KMT2E: variants seen among roughly 807,000 people sequenced by gnomAD.
The protein encoded by KMT2E is histone reader KMT2E.
Under a neutral mutation model 184.6 loss-of-function variants are expected in KMT2E, and 30 were observed. The ratio of observed to expected loss-of-function variants is 0.16; its 90% CI spans 0.12 to 0.22. The LOEUF is 0.22. Among genes scored for constraint, KMT2E ranks in the 10% least tolerant of loss-of-function variants. KMT2E has a pLI of 1.00. For missense variants in KMT2E, 2,023 were observed against 2,237.4 expected (o/e 0.90, Z 1.93); for synonymous variants, 815 against 776.5 (o/e 1.05, Z -0.82).
chr7:105,018,068 C>T (rs1254921054), intron 1 of KMT2E, among the ~76,000 whole-genome samples: 1 of 152,084 alleles, frequency 6.6e-6, no homozygotes, highest in Non-Finnish European at 1.5e-5. Context: ...TCTTAGTGGT[C>T]TTAGGGAAAT....
chr7:105,021,171 C>T (rs1490982419), intron 1 of KMT2E, among the ~76,000 whole-genome samples: 2 of 152,172 alleles, frequency 1.3e-5, no homozygotes, highest in African/African-American at 4.8e-5. Context: ...GGTCCAGTAG[C>T]CATAAATAGG....
chr7:105,092,433 C>T (rs1798244936), intron 15 of KMT2E, among the ~76,000 whole-genome samples: 1 of 152,124 alleles, frequency 6.6e-6, no homozygotes, highest in African/African-American at 2.4e-5. Flanking sequence ...TGTTGACCTA[C>T]TTAATATGTG....
At chr7:105,064,202 G>C in intron 5 of KMT2E, 1 of 298,466 alleles carries the variant, frequency 3.4e-6, no homozygotes, top group South Asian at 2.6e-5. Context: ...TGACTGGGGG[G>C]AAGGATTTGG....
intron 15 of KMT2E, among the ~76,000 whole-genome samples, chr7:105,100,138 C>T (rs1468990683): frequency 2.0e-5 from 3 of 152,184 alleles, no homozygotes; most frequent in South Asian, 2.1e-4. Context: ...AAGAACCTTA[C>T]CTCTTTGGAC....
intron 23 of KMT2E, among the ~76,000 whole-genome samples, chr7:105,109,934 C>T (rs563812009): frequency 6.6e-6 from 1 of 150,840 alleles, no homozygotes; most frequent in Non-Finnish European, 1.5e-5. Context: ...AGCTCCACTT[C>T]CCAAGTTCAA....
chr7:105,048,675 G>A lies in KMT2E; in HGVS notation c.71+7652G>A, dbSNP rs571629170. Among the ~76,000 whole-genome samples, 148 of 152,202 alleles carry A rather than the reference G, an allele frequency of 9.7e-4. 1 individual carries two copies. Among genetic ancestry groups the A allele is most frequent in the African/African-American group, 3.6e-3 (148 of 41,508 alleles). Reference sequence around the variant, plus strand: ...GGATCAGCAGAACTTTCCTGTAAAGGGCTAAAGAATAAATATTTAAGACTT... The same window carrying A: ...GGATCAGCAGAACTTTCCTGTAAAGAGCTAAAGAATAAATATTTAAGACTT... On this transcript the variant is annotated intron_variant, in intron 3 of 26. Coordinates refer to ENST00000311117, the MANE Select transcript of KMT2E (RefSeq NM_182931.3).
At chr7:105,021,422 G>A (rs1036908764) in intron 1 of KMT2E, among the ~76,000 whole-genome samples, 3 of 152,178 alleles carry the variant, frequency 2.0e-5, no homozygotes, top group African/African-American at 4.8e-5. Flanking sequence ...GAGAGAACCC[G>A]TAGTTTATTT....
chr7:105,104,397 T>C (rs1798800929), intron 17 of KMT2E: 1 of 152,172 alleles, frequency 6.6e-6, no homozygotes, highest in Non-Finnish European at 1.5e-5. Context: ...TAAATATATA[T>C]GTATCGTGAG....
intron 1 of KMT2E, among the ~76,000 whole-genome samples, chr7:105,017,372 T>C (rs1794757553): frequency 6.6e-6 from 1 of 152,078 alleles, no homozygotes; most frequent in South Asian, 2.1e-4. Flanking sequence ...ATTGGCTTGC[T>C]TTATTGCTTT....
At position 105,113,105 on chromosome 7, in the gene KMT2E, G is replaced by A. The variant is rs370681615; in HGVS notation, c.5349G>A (p.Gly1783=). Residue 1783 remains glycine (G), a synonymous_variant, in exon 27 of 27, where the codon GGG becomes GGA. Coordinates refer to ENST00000311117, the MANE Select transcript of KMT2E (RefSeq NM_182931.3). ...CCCAGCACCAGCCTTCTGGAACAGG[G>A]CCACATTGTCCATTACCTGTCACAG... ...PGPQHQPSGT[G]PHCPLPVTGP... 2.6e-5 allele frequency: 42 copies of A among 1,613,982 alleles called. No individual in the cohort carries two copies. Among genetic ancestry groups the A allele is most frequent in the African/African-American group, 4.0e-5 (3 of 74,888 alleles).
chr7:105,027,798 T>C (rs964915911), intron 1 of KMT2E, among the ~76,000 whole-genome samples: 2 of 152,096 alleles, frequency 1.3e-5, no homozygotes, highest in Non-Finnish European at 2.9e-5. Context: ...TTGAAAGTAT[T>C]TACATATATA....
At chr7:105,085,304 A>G (rs192686832) in intron 13 of KMT2E, among the ~76,000 whole-genome samples, 1 of 152,290 alleles carries the variant, frequency 6.6e-6, no homozygotes, top group Non-Finnish European at 1.5e-5. Context: ...ATCCAGGCAC[A>G]CTGGGAGGCT....
At chr7:105,066,973 C>T (rs1206918313) in intron 6 of KMT2E, among the ~76,000 whole-genome samples, 166 bp downstream of exon 6, 1 of 147,638 alleles carries the variant, frequency 6.8e-6, no homozygotes, top group South Asian at 2.1e-4. Context: ...AGGAAGATTG[C>T]TTGAGCACAG....
chr7:105,089,995 G>C lies in KMT2E; in HGVS notation c.1359-14G>C, dbSNP rs201406817. 1.9e-6 allele frequency: 3 copies of C among 1,591,356 alleles called. No homozygotes were observed. Among genetic ancestry groups the C allele is most frequent in the Non-Finnish European group, 1.7e-6 (2 of 1,172,454 alleles). ...TATATTTTGAAATAAATATTTAACT[G>C]GTTATCTTTCCAGTAAGTACAAGGT... On this transcript the variant is annotated splice_polypyrimidine_tract_variant and intron_variant, in intron 13 of 26. Coordinates refer to ENST00000311117, the MANE Select transcript of KMT2E (RefSeq NM_182931.3).
intron 5 of KMT2E, among the ~76,000 whole-genome samples, chr7:105,066,480 T>A (rs1035898279): frequency 1.3e-5 from 2 of 152,140 alleles, no homozygotes; most frequent in Non-Finnish European, 2.9e-5. Context: ...GTAGAATAAA[T>A]TATACATTTT....
intron 12 of KMT2E, among the ~76,000 whole-genome samples, chr7:105,079,295 C>T (rs527309977): frequency 1.1e-4 from 16 of 151,770 alleles, no homozygotes; most frequent in Non-Finnish European, 1.3e-4. Flanking sequence ...CCACCATGCC[C>T]GGCTATTTTT....
At chr7:105,040,435 C>T (rs1346032306) in intron 2 of KMT2E, among the ~76,000 whole-genome samples, 1 of 152,050 alleles carries the variant, frequency 6.6e-6, no homozygotes, top group Non-Finnish European at 1.5e-5. Context: ...TTAAATAGAC[C>T]ATCCATGTAA....
chr7:105,073,144 C>G (rs1053226537), intron 6 of KMT2E, among the ~76,000 whole-genome samples: 3 of 151,040 alleles, frequency 2.0e-5, no homozygotes, highest in African/African-American at 7.3e-5. Flanking sequence ...CACTGTGGCT[C>G]ACATCTGTGA....
At chr7:105,043,269 C>T (rs1353306745) in intron 3 of KMT2E, among the ~76,000 whole-genome samples, 1 of 145,182 alleles carries the variant, frequency 6.9e-6, no homozygotes, top group Non-Finnish European at 1.5e-5. Context: ...CGGAGTCTTG[C>T]TCTGTCGCCC....
Sources: allele counts gnomAD v4.1 joint callset (sites outside exome capture counted in the v4.1 genomes callset), GRCh38; gene constraint gnomAD v4.1.1; transcripts MANE v1.5; gene names NCBI Gene and HGNC (gene_info 2026-07-23, HGNC 2026-07-21).